The following BICDL1 variants were observed in gnomAD, a reference collection of about 807,000 sequenced individuals.
BICDL1 encodes BICD family like cargo adaptor 1, also known as BICD family-like cargo adapter 1.
In BICDL1, 20 loss-of-function variants were observed where a neutral mutation model predicts 76.8. The observed-to-expected ratio is 0.26, with a 90% CI of 0.18 to 0.38. The LOEUF is 0.38. BICDL1 is among the 10% of genes least tolerant of loss of function. The probability of loss-of-function intolerance (pLI) is 1.00; values close to 1 mark genes in which losing one functional copy is unlikely to be tolerated. For synonymous variants in BICDL1, 383 were observed against 337.1 expected (o/e 1.14, Z -1.49); for missense variants, 700 against 798.6 (o/e 0.88, Z 1.49).
rs922080280 is a variant in BICDL1, at chr12:120,071,229, G to A, written c.910-393G>A. Among the ~76,000 whole-genome samples the A allele has an allele frequency of 2.4e-4, 36 of 151,574 alleles. No individual in the cohort carries two copies. The highest frequency in any genetic ancestry group is 7.5e-4 in the African/African-American group (31 of 41,208). On this transcript the variant is annotated intron_variant, in intron 4 of 9. Transcript: ENST00000548673. The surrounding 1 kb of genome is among the most constrained non-coding windows in gnomAD (Gnocchi z 4.8). ...GTGATCTTAGCTCATTGCAACGTCC[G>A]CCTCCTGGGTTCAAGCGATTCTCCT...
chr12:120,033,177 T>C, intron 2 of BICDL1, among the ~76,000 whole-genome samples: 1 of 152,068 alleles, frequency 6.6e-6, no homozygotes. Flanking sequence ...AATTTAAATT[T>C]CCCCAGTGGA....
intron 2 of BICDL1, among the ~76,000 whole-genome samples, chr12:120,039,875 C>T (rs141566516): frequency 1.3e-3 from 191 of 152,168 alleles, no homozygotes; most frequent in Non-Finnish European, 1.9e-3. Flanking sequence ...AATTCTGTAA[C>T]CAGTGTGGTA....
chr12:120,020,045 C>T (rs1031979149), intron 2 of BICDL1, among the ~76,000 whole-genome samples: 1 of 152,016 alleles, frequency 6.6e-6, no homozygotes, highest in Non-Finnish European at 1.5e-5. Context: ...TAGTTCTGTC[C>T]TCAAAGGGCT....
At chr12:120,046,111 C>A (rs914169565) in intron 2 of BICDL1, among the ~76,000 whole-genome samples, 2 of 152,046 alleles carry the variant, frequency 1.3e-5, no homozygotes, top group African/African-American at 4.8e-5. Context: ...TCCACTCTCC[C>A]CCTTTAGCTG....
chr12:120,063,497 G>C (rs1164073076), intron 3 of BICDL1, among the ~76,000 whole-genome samples: 3 of 150,944 alleles, frequency 2.0e-5, no homozygotes, highest in Non-Finnish European at 4.4e-5. Flanking sequence ...AATGAGAACA[G>C]ATAAAAAGTA....
intron 2 of BICDL1, among the ~76,000 whole-genome samples, chr12:120,023,242 G>A (rs1267786840): frequency 6.6e-6 from 1 of 152,186 alleles, no homozygotes; most frequent in East Asian, 1.9e-4. Context: ...AGATCTCAAT[G>A]TTTTAAGAAA....
intron 2 of BICDL1, among the ~76,000 whole-genome samples, chr12:120,054,096 A>G (rs1479793914): frequency 6.7e-6 from 1 of 149,804 alleles, no homozygotes; most frequent in African/African-American, 2.5e-5. Context: ...TTTTTGAGAC[A>G]GAGTCTCGCT....
At chr12:120,010,505 CA>C (rs1032100205) in intron 2 of BICDL1, among the ~76,000 whole-genome samples, 3 of 152,016 alleles carry the variant, frequency 2.0e-5, no homozygotes, top group African/African-American at 4.8e-5. Context: ...TGGGTGCCAA[CA>C]AAAAAATCCC....
At position 120,031,765 on chromosome 12, in the gene BICDL1, G is replaced by A. The variant is rs182116963; in HGVS notation, c.646-29945G>A. On this transcript the variant is annotated intron_variant, in intron 2 of 9. Coordinates refer to ENST00000548673, the MANE Select transcript of BICDL1 (RefSeq NM_001367886.1). ...GTAGATCCCTGTGTAATTCGAAAAG[G>A]CCATTTTATGTCTACTGTCTTGACA... Among the ~76,000 whole-genome samples, 24 of 152,220 alleles carry A rather than the reference G, an allele frequency of 1.6e-4. No individual in the cohort carries two copies. The East Asian group carries it at 3.3e-3, about 21-fold the overall frequency.
intron 8 of BICDL1, among the ~76,000 whole-genome samples, chr12:120,088,752 C>T (rs886078546): frequency 4.6e-5 from 7 of 151,968 alleles, no homozygotes; most frequent in Non-Finnish European, 8.8e-5. Context: ...CTGCAAGCTC[C>T]GCCTCCCGGG....
At chr12:120,052,371 C>T (rs770570310) in intron 2 of BICDL1, among the ~76,000 whole-genome samples, 43 of 150,222 alleles carry the variant, frequency 2.9e-4, no homozygotes, top group Non-Finnish European at 5.8e-4. Context: ...GATGACAGTT[C>T]ATTCTGAATA....
In BICDL1 at chr12:120,080,950, T is replaced by G; in HGVS notation, c.1516T>G (p.Ser506Ala). Residue 506 changes from serine to alanine, a missense_variant, in exon 8 of 10, where the codon TCT becomes GCT. Physicochemically the swap from Ser to Ala is moderately conservative, Grantham distance 99. This residue lies in a region of BICDL1 where 455 missense variants were observed against 548.7 expected (regional missense o/e 0.83). Transcript: ENST00000548673. ...KEERDRLRVT[S>A]EDKEPKEQLQ... is the part of the protein sequence containing the mutation. ...GGAGAGAGACCGACTCAGAGTCACT[T>G]CTGAGGACAAGGAGCCAAAGGAGCA... 4 of 1,613,882 alleles carry G rather than the reference T, an allele frequency of 2.5e-6. No homozygotes were observed. The highest frequency in any genetic ancestry group is 3.4e-6 in the Non-Finnish European group (4 of 1,179,932).
chr12:120,013,268 C>T (rs1354189459), intron 2 of BICDL1, among the ~76,000 whole-genome samples: 2 of 148,262 alleles, frequency 1.3e-5, no homozygotes, highest in East Asian at 4.0e-4. Flanking sequence ...GAGCCAAGAT[C>T]ACACCTCTTC....
At chr12:120,005,575 T>C (rs1951834664) in intron 2 of BICDL1, among the ~76,000 whole-genome samples, 1 of 152,174 alleles carries the variant, frequency 6.6e-6, no homozygotes, top group Non-Finnish European at 1.5e-5. Flanking sequence ...GGTTTTGCCA[T>C]GTTGGCAGGC....
At chr12:120,088,218 C>T (rs1361108548) in intron 8 of BICDL1, among the ~76,000 whole-genome samples, 3 of 151,982 alleles carry the variant, frequency 2.0e-5, no homozygotes, top group African/African-American at 7.3e-5. Context: ...GAGGCGTGAG[C>T]CACAGCACCC....
chr12:120,052,086 G>A (rs1952871560), intron 2 of BICDL1, among the ~76,000 whole-genome samples: 1 of 151,978 alleles, frequency 6.6e-6, no homozygotes, highest in Non-Finnish European at 1.5e-5. Flanking sequence ...GACTACAGTT[G>A]CCCGCCACCA....
intron 9 of BICDL1, 74 bp downstream of exon 9, chr12:120,090,145 A>G (rs765054623): frequency 2.4e-5 from 37 of 1,564,770 alleles, no homozygotes; most frequent in South Asian, 3.5e-5. Context: ...GAGTGTAAGG[A>G]GAGTTTGCCA....
intron 7 of BICDL1, among the ~76,000 whole-genome samples, chr12:120,075,138 C>T (rs1166246818): frequency 1.3e-5 from 2 of 152,076 alleles, no homozygotes; most frequent in African/African-American, 4.8e-5. Context: ...TATAGGCAGC[C>T]CCACCCAAAA....
chr12:120,036,737 G>A (rs1344904003), intron 2 of BICDL1, among the ~76,000 whole-genome samples: 5 of 152,142 alleles, frequency 3.3e-5, no homozygotes, highest in Non-Finnish European at 4.4e-5. Flanking sequence ...TTAGCCGGGC[G>A]TGGTGGCATG....
Sources: gnomAD v4.1 joint callset for allele counts (sites outside exome capture counted in the v4.1 genomes callset) on GRCh38, gnomAD v4.1.1 for gene constraint, gnomAD v4.1.1 regional missense constraint, Gnocchi (gnomAD v3.1) non-coding constraint, MANE v1.5 for transcripts, NCBI Gene and HGNC (gene_info 2026-07-23, HGNC 2026-07-21) for gene names.